MCM3AP: variants seen among roughly 807,000 people sequenced by gnomAD.
MCM3AP encodes germinal-center associated nuclear protein.
In MCM3AP, 126 loss-of-function variants were observed where a neutral mutation model predicts 184.1. The ratio of observed to expected loss-of-function variants is 0.68; its 90% confidence interval spans 0.59 to 0.79. The LOEUF (loss-of-function observed/expected upper bound fraction) is 0.79, where lower values mean the gene tolerates loss of function less well. Among genes scored for constraint, MCM3AP ranks in the 30% least tolerant of loss-of-function variants. The pLI is 0.00. For synonymous variants in MCM3AP, 1,002 were observed against 979.3 expected, an observed-to-expected ratio of 1.02 and a Z score of -0.43; for missense variants, 2,496 against 2,479.2, an observed-to-expected ratio of 1.01 and a Z score of -0.14.
chr21:46,262,185 A>T (rs947304397), intron 13 of MCM3AP, among the ~76,000 whole-genome samples: 1 of 152,244 alleles, frequency 6.6e-6, no homozygotes, highest in Admixed American at 6.5e-5. Flanking sequence ...AAAGAAAGGT[A>T]TGAGACCAGA....
rs1483549797 is a variant in MCM3AP, at chr21:46,284,634, G to A, written c.653C>T (p.Ser218Leu). ...CAAAGCAGGGGTAAAGGCAGATAAT[G>A]AATTATTACTACTAACAGGTTTTGA... Reference protein sequence around the residue: ...TFSKPVSSNNSLSAFTPALSN... With the variant: ...TFSKPVSSNNLLSAFTPALSN... Residue 218 changes from serine (S) to leucine (L), a missense_variant, in exon 1 of 28, where the codon TCA becomes TTA. Physicochemically the swap from Ser to Leu is moderately radical, Grantham distance 145. Around this residue, in one of 5 missense-constraint regions of MCM3AP, gnomAD observed 800 missense variants for 717.1 expected, o/e 1.12. Transcript: ENST00000291688. The A allele has an allele frequency of 5.0e-6, 8 of 1,614,130 alleles. No individual in the cohort carries two copies. The East Asian group carries it at 8.9e-5, about 18-fold the overall frequency.
At position 46,267,369 on chromosome 21, in the gene MCM3AP, G is replaced by A. The variant is rs17176408; in HGVS notation, c.2629-227C>T. 0.012 allele frequency: 6,142 copies of A among 527,086 alleles called. 474 individuals carry two copies. The Admixed American group carries it at 0.16, about 14-fold the overall frequency. The allele number at this position is 527,086 out of a possible 1,614,324, so 32.7% of individuals were successfully genotyped here. A position where few individuals can be genotyped will look rare whatever the true frequency, so the allele number is the denominator to read the frequency against. Reference sequence around the variant, plus strand: ...GCCAAGCAAACACTCTCATAGAGAAGGATGGCTTGTGAAGGTTTTATTCAT... The same window carrying A: ...GCCAAGCAAACACTCTCATAGAGAAAGATGGCTTGTGAAGGTTTTATTCAT... On this transcript the variant is annotated intron_variant, in intron 9 of 27. Coordinates refer to ENST00000291688, the MANE Select transcript of MCM3AP (RefSeq NM_003906.5).
At position 46,272,796 on chromosome 21, in the gene MCM3AP, T is replaced by C; in HGVS notation, c.2230A>G (p.Thr744Ala). ...ITQQHLCDPL[T>A]VSLIEKCTRF... ...GTGCACTTCTCAATCAGGGACACCG[T>C]CAGGGGGTCACAGAGGTGCTGCTGC... is the stretch of plus-strand genomic sequence containing the variant. The change falls in exon 8 of 28, where the codon ACG becomes GCG. Residue 744 changes from threonine (T) to alanine (A), a missense_variant. Thr to Ala is a moderately conservative substitution (Grantham distance 58, BLOSUM62 0). Coordinates refer to ENST00000291688, the MANE Select transcript of MCM3AP (RefSeq NM_003906.5). 6.2e-7 allele frequency: 1 copy of C among 1,607,990 alleles called. No homozygotes were observed. Among genetic ancestry groups the C allele is most frequent in the South Asian group, 1.1e-5 (1 of 90,260 alleles).
In MCM3AP at chr21:46,284,292, G is replaced by C; in HGVS notation, c.995C>G (p.Pro332Arg). Residue 332 changes from proline to arginine, a missense_variant, in exon 1 of 28, where the codon CCC becomes CGC. This residue lies in a region of MCM3AP where 800 missense variants were observed against 717.1 expected (regional missense o/e 1.12). Transcript: ENST00000291688. The stretch of plus-strand genomic sequence containing the variant: ...CCGACCAAATAAAGTACCTCCCCGG[G>C]GTCGATTCAGGCGGACAGGTCGTTT... The part of the protein sequence containing the change: ...PDKRPVRLNR[P>R]RGGTLFGRTI... 1 of 1,614,212 alleles carries C rather than the reference G, an allele frequency of 6.2e-7. No homozygotes were observed. Among genetic ancestry groups the C allele is most frequent in the South Asian group, 1.1e-5 (1 of 91,088 alleles).
At position 46,235,390 on chromosome 21, in the gene MCM3AP, C is replaced by G. The variant is rs891668251; in HGVS notation, c.5821G>C (p.Ala1941Pro). The change falls in exon 28 of 28, where the codon GCG (alanine) becomes CCG (proline). Residue 1941 changes from alanine to proline, a missense_variant. Ala to Pro is a conservative substitution (Grantham distance 27). Around this residue, in one of 5 missense-constraint regions of MCM3AP, gnomAD observed 1,323 missense variants for 1,273.4 expected, o/e 1.04. Transcript: ENST00000291688. ...CGTTCGCCTAGACACGTTCCTGTCG[C>G]CTCTGACAGCTGCAGTTGCTCCCTC... is the stretch of plus-strand genomic sequence containing the variant. ...MMREQLQLSE[A>P]TGTCLGERLK... 12 of 1,613,958 alleles carry G rather than the reference C, an allele frequency of 7.4e-6. No individual in the cohort carries two copies. Among genetic ancestry groups the G allele is most frequent in the Non-Finnish European group, 1.0e-5 (12 of 1,180,014 alleles).
intron 5 of MCM3AP, among the ~76,000 whole-genome samples, chr21:46,276,136 C>T (rs958257606): frequency 1.3e-5 from 2 of 151,946 alleles, no homozygotes; most frequent in African/African-American, 2.4e-5. Context: ...GCTGTAGTCC[C>T]AGCTACTCAG....
At chr21:46,254,349 A>G in intron 19 of MCM3AP, 43 bp downstream of exon 19, 1 of 1,611,706 alleles carries the variant, frequency 6.2e-7, no homozygotes, top group Non-Finnish European at 8.5e-7. Context: ...TGCCCTGCCC[A>G]CTCCACCTCT....
chr21:46,284,194 C>T lies in MCM3AP; in HGVS notation c.1093G>A (p.Gly365Ser). Residue 365 changes from glycine (G) to serine (S), a missense_variant, in exon 1 of 28, where the codon GGC becomes AGC. This residue lies in a region of MCM3AP where 800 missense variants were observed against 717.1 expected (regional missense o/e 1.12). Coordinates refer to ENST00000291688, the MANE Select transcript of MCM3AP (RefSeq NM_003906.5). ...TCACTTTCTGCAGACTCAACAAAGC[C>T]AGTTTCCTTTTTGGCCTCCTTGTTG... is the stretch of plus-strand genomic sequence containing the variant. ...LGNKEAKKET[G>S]FVESAESDHM... 1 of 1,614,204 alleles carries T rather than the reference C, an allele frequency of 6.2e-7. No individual in the cohort carries two copies. The highest frequency in any genetic ancestry group is 1.1e-5 in the South Asian group (1 of 91,084).
At chr21:46,244,767 C>A in intron 23 of MCM3AP, 40 bp downstream of exon 23, 1 of 1,557,752 alleles carries the variant, frequency 6.4e-7, no homozygotes, top group South Asian at 1.2e-5. Context: ...TGAGACTTGG[C>A]TGCAGCCACC....
At chr21:46,241,400 A>G (rs1364643770) in intron 25 of MCM3AP, 2 of 173,248 alleles carry the variant, frequency 1.2e-5, no homozygotes, top group African/African-American at 4.8e-5. Context: ...TTTTTTATAG[A>G]TAGCTCTTGG....
chr21:46,251,703 AAAAAC>A (rs1431570188), intron 19 of MCM3AP, 21 bp from the exon 20 acceptor site: 3 of 1,397,394 alleles, frequency 2.1e-6, no homozygotes, highest in Admixed American at 2.1e-5. Context: ...AAAAAAAACA[AAAAAC>A]AAAAAAAACA....
Position 46,236,911 on chromosome 21 carries a change from G to T in MCM3AP, c.5702C>A (p.Pro1901His), listed in dbSNP as rs754600345. The T allele has an allele frequency of 6.4e-7, 1 of 1,574,484 alleles. No individual in the cohort carries two copies. The highest frequency in any genetic ancestry group is 2.0e-5 in the Admixed American group (1 of 50,928). Residue 1901 changes from proline (P) to histidine (H), a missense_variant, in exon 27 of 28, where the codon CCC (proline) becomes CAC (histidine). By Grantham distance (77) the Pro-to-His change is moderately conservative. Coordinates refer to ENST00000291688, the MANE Select transcript of MCM3AP (RefSeq NM_003906.5). ...CACTAGAGTCTGAGGAAGATAGAGG[G>T]GAAGGGAAGTTAAATCCGTAAATGC... is the stretch of plus-strand genomic sequence containing the variant. ...SGAFTDLTSL[P>H]LYLPQTLVSL...
intron 20 of MCM3AP, chr21:46,250,976 TTAA>T (rs2080858815): frequency 6.6e-6 from 1 of 151,958 alleles, no homozygotes; most frequent in African/African-American, 2.4e-5. Context: ...AAGAAAGGAG[TTAA>T]GAGAGGAAGG....
intron 13 of MCM3AP, among the ~76,000 whole-genome samples, chr21:46,263,126 G>A (rs916064563): frequency 9.2e-5 from 14 of 151,572 alleles, no homozygotes; most frequent in African/African-American, 2.4e-4. Flanking sequence ...TCAGGAGATC[G>A]AGACCATCCT....
chr21:46,241,537 A>G (rs1438078393), intron 25 of MCM3AP: 1 of 156,378 alleles, frequency 6.4e-6, no homozygotes, highest in Non-Finnish European at 1.4e-5. Flanking sequence ...TTTGTCACAT[A>G]TTCTGACTCT....
At position 46,251,463 on chromosome 21, in the gene MCM3AP, G is replaced by T. The variant is rs138346435; in HGVS notation, c.4290+66C>A. The T allele has an allele frequency of 8.1e-5, 111 of 1,374,736 alleles. No homozygotes were observed. The African/African-American group carries it at 1.5e-3, about 18-fold the overall frequency. 85.2% of individuals were successfully genotyped at this position (1,374,736 alleles called of 1,614,324 possible). A position where few individuals can be genotyped will look rare whatever the true frequency, so the allele number is the denominator to read the frequency against. ...AATAAGCAGTATTTGCATGGTTCCA[G>T]TGATATCTGGGAGTAAGTGAAAGTA... On this transcript the variant is annotated intron_variant, in intron 20 of 27. Transcript: ENST00000291688.
intron 3 of MCM3AP, 150 bp from the exon 4 acceptor site, chr21:46,280,287 C>A: frequency 1.0e-6 from 1 of 972,040 alleles, no homozygotes; most frequent in East Asian, 2.5e-5. Context: ...GATGCAAATC[C>A]ACTGAGAGCC....
chr21:46,251,411 T>C, intron 20 of MCM3AP, 118 bp downstream of exon 20: 2 of 810,172 alleles, frequency 2.5e-6, no homozygotes, highest in Non-Finnish European at 3.8e-6. Flanking sequence ...CTTCTGAGCC[T>C]CCCAGTCTTT....
Position 46,284,628 on chromosome 21 carries a change from G to A in MCM3AP, c.659C>T (p.Ser220Phe). The A allele has an allele frequency of 1.9e-6, 3 of 1,614,180 alleles. No individual in the cohort carries two copies. The change falls in exon 1 of 28, where the codon TCT becomes TTT. Residue 220 changes from serine (S) to phenylalanine (F), a missense_variant. By Grantham distance (155) the Ser-to-Phe change is radical. This residue lies in a region of MCM3AP where 800 missense variants were observed against 717.1 expected (regional missense o/e 1.12). Transcript: ENST00000291688. ...GTTTGACAAAGCAGGGGTAAAGGCA[G>A]ATAATGAATTATTACTACTAACAGG... Reference protein sequence around the residue: ...SKPVSSNNSLSAFTPALSNQN... With the variant: ...SKPVSSNNSLFAFTPALSNQN...
Sources: gnomAD v4.1 joint callset for allele counts (sites outside exome capture counted in the v4.1 genomes callset) on GRCh38, gnomAD v4.1.1 for gene constraint, gnomAD v4.1.1 regional missense constraint, MANE v1.5 for transcripts, NCBI Gene and HGNC (gene_info 2026-07-23, HGNC 2026-07-21) for gene names.